Variants in LARGE1 observed in about 807,000 individuals in gnomAD.
The protein encoded by LARGE1 is LARGE xylosyl- and glucuronyltransferase 1, also known as xylosyl- and glucuronyltransferase LARGE1.
LARGE1 carries 43 observed loss-of-function variants against 87.6 expected under a neutral mutation model. The ratio of observed to expected loss-of-function variants is 0.49; its 90% CI spans 0.38 to 0.63. LARGE1 has a LOEUF of 0.63. Ranked by LOEUF, LARGE1 falls within the 30% of genes least tolerant of loss-of-function variation. LARGE1 has a pLI of 0.00. For synonymous variants in LARGE1, 434 were observed against 394.6 expected (o/e 1.10, Z -1.18); for missense variants, 802 against 1,000.2 (o/e 0.80, Z 2.67).
the LARGE1 span, among the ~76,000 whole-genome samples, chr22:33,147,886 A>C: frequency 2.0e-5 from 3 of 152,230 alleles, no homozygotes; most frequent in African/African-American, 7.2e-5. Context: ...CTATTCCATC[A>C]ACCACTGATC....
At chr22:33,795,966 T>A (rs1380722822) in intron 1 of LARGE1, among the ~76,000 whole-genome samples, 3 of 150,396 alleles carry the variant, frequency 2.0e-5, no homozygotes, top group Non-Finnish European at 2.9e-5. Flanking sequence ...ACCTGCATAT[T>A]GTGCACATGT....
At chr22:33,585,653 C>T (rs1277851262) in intron 5 of LARGE1, among the ~76,000 whole-genome samples, 1 of 152,172 alleles carries the variant, frequency 6.6e-6, no homozygotes, top group African/African-American at 2.4e-5. Flanking sequence ...TTGGAACTGC[C>T]AATCGAAGGG....
chr22:33,670,049 A>G (rs545155846), intron 2 of LARGE1, among the ~76,000 whole-genome samples: 1 of 151,284 alleles, frequency 6.6e-6, no homozygotes, highest in African/African-American at 2.4e-5. Flanking sequence ...TTTTACAAAA[A>G]CTCTTCTCCT....
Position 33,493,352 on chromosome 22 carries a change from G to T in LARGE1, c.788-61087C>A, listed in dbSNP as rs188567241. Among the ~76,000 whole-genome samples the T allele has an allele frequency of 2.1e-3, 316 of 151,924 alleles. 1 individual carries two copies. The highest frequency in any genetic ancestry group is 3.6e-3 in the Non-Finnish European group (247 of 67,952). ...ATTTTTGTATTTTTAGTAGAGACGG[G>T]GTTTCACCATGTTGGCCAGGCTGGT... On this transcript the variant is annotated intron_variant, in intron 6 of 14. Coordinates refer to ENST00000397394, the MANE Select transcript of LARGE1 (RefSeq NM_133642.5).
chr22:33,589,549 GTT>G (rs1293915278), intron 5 of LARGE1, among the ~76,000 whole-genome samples: 1 of 151,614 alleles, frequency 6.6e-6, no homozygotes, highest in South Asian at 2.1e-4. Context: ...TTACTTTTCT[GTT>G]TATTATTTTT....
the LARGE1 span, among the ~76,000 whole-genome samples, chr22:33,126,604 T>C: frequency 8.9e-3 from 1,362 of 152,342 alleles, 8 homozygotes; most frequent in African/African-American, 0.012. Flanking sequence ...AAAAGCTATG[T>C]TCTTTGTGGG....
At chr22:33,335,189 T>G (rs747788487) in intron 10 of LARGE1, among the ~76,000 whole-genome samples, 5 of 151,504 alleles carry the variant, frequency 3.3e-5, no homozygotes, top group Non-Finnish European at 7.3e-5. Flanking sequence ...ACTCAAATCT[T>G]GATGATGATA....
intron 9 of LARGE1, among the ~76,000 whole-genome samples, chr22:33,368,258 C>T (rs183576120): frequency 3.9e-5 from 6 of 152,102 alleles, no homozygotes; most frequent in Admixed American, 2.6e-4. Flanking sequence ...GGGCTGGGTG[C>T]GGTGGCTCAT....
At chr22:33,898,715 T>C (rs1432665911) in intron 1 of LARGE1, among the ~76,000 whole-genome samples, 3 of 152,094 alleles carry the variant, frequency 2.0e-5, no homozygotes, top group African/African-American at 7.2e-5. Context: ...GATTGTGCCA[T>C]TGCACTCCAG....
intron 2 of LARGE1, among the ~76,000 whole-genome samples, chr22:33,740,585 C>A (rs1425502798): frequency 1.3e-5 from 2 of 152,172 alleles, no homozygotes; most frequent in Admixed American, 1.3e-4. Context: ...ATCAGACGTA[C>A]ACTTGGTACT....
chr22:33,646,930 T>C (rs1055615604), intron 3 of LARGE1, among the ~76,000 whole-genome samples: 1 of 152,230 alleles, frequency 6.6e-6, no homozygotes, highest in Non-Finnish European at 1.5e-5. Flanking sequence ...GGTTTCACCA[T>C]GTTGGCCAGG....
chr22:33,117,687 A>G, the LARGE1 span, among the ~76,000 whole-genome samples: 1 of 152,234 alleles, frequency 6.6e-6, no homozygotes, highest in African/African-American at 2.4e-5. Flanking sequence ...AACAGTGCTC[A>G]CAAAGAGGCA....
chr22:33,310,048 T>C (rs1004356508), intron 11 of LARGE1, among the ~76,000 whole-genome samples: 3 of 152,210 alleles, frequency 2.0e-5, no homozygotes, highest in Non-Finnish European at 4.4e-5. Context: ...AATGTAAGCT[T>C]CTTAAAGATC....
At chr22:33,447,023 AG>A (rs1330065840) in intron 6 of LARGE1, among the ~76,000 whole-genome samples, 1 of 152,150 alleles carries the variant, frequency 6.6e-6, no homozygotes, top group African/African-American at 2.4e-5. Flanking sequence ...CCTCCCATGT[AG>A]TTGGAACTAC....
the LARGE1 span, among the ~76,000 whole-genome samples, chr22:33,091,644 G>T: frequency 6.6e-6 from 1 of 152,164 alleles, no homozygotes; most frequent in African/African-American, 2.4e-5. Flanking sequence ...ATGATAGCAT[G>T]GTAAAGCGAA....
At chr22:33,580,204 C>G (rs1370745131) in intron 5 of LARGE1, among the ~76,000 whole-genome samples, 1 of 152,014 alleles carries the variant, frequency 6.6e-6, no homozygotes, top group South Asian at 2.1e-4. Flanking sequence ...AATCCCATCT[C>G]TACTACAAAT....
chr22:33,438,380 A>G (rs2067349584), intron 6 of LARGE1, among the ~76,000 whole-genome samples: 1 of 152,192 alleles, frequency 6.6e-6, no homozygotes, highest in African/African-American at 2.4e-5. Context: ...TTGTTTTCCA[A>G]GCTGGGCCTG....
chr22:33,886,833 C>T (rs1467061758), intron 1 of LARGE1, among the ~76,000 whole-genome samples: 1 of 152,146 alleles, frequency 6.6e-6, no homozygotes, highest in Non-Finnish European at 1.5e-5. Flanking sequence ...CTGCAGGATA[C>T]AGTGGCAAGG....
At chr22:33,298,415 C>T (rs1237407318) in intron 12 of LARGE1, among the ~76,000 whole-genome samples, 1 of 152,248 alleles carries the variant, frequency 6.6e-6, no homozygotes, top group East Asian at 1.9e-4. Context: ...CTTATCTTCT[C>T]AGTTCCTTAA....
Sources: allele counts gnomAD v4.1 joint callset (sites outside exome capture counted in the v4.1 genomes callset), GRCh38; gene constraint gnomAD v4.1.1; transcripts MANE v1.5; gene names NCBI Gene and HGNC (gene_info 2026-07-23, HGNC 2026-07-21).